CHCHD3: variants seen among roughly 807,000 people sequenced by gnomAD.
The protein encoded by CHCHD3 is coiled-coil-helix-coiled-coil-helix domain containing 3, also known as MICOS complex subunit MIC19.
CHCHD3 carries 20 observed loss-of-function variants against 38.2 expected under a neutral mutation model. That is an observed-to-expected ratio of 0.52 (90% CI 0.37 to 0.76). CHCHD3 has a LOEUF of 0.76. CHCHD3 is among the 30% of genes least tolerant of loss of function. CHCHD3 has a pLI of 0.00. For synonymous variants in CHCHD3, 82 were observed against 100.0 expected, an observed-to-expected ratio of 0.82 and a Z score of 1.07; for missense variants, 245 against 279.2, an observed-to-expected ratio of 0.88 and a Z score of 0.87.
chr7:132,949,416 G>A (rs1257947662), intron 4 of CHCHD3, among the ~76,000 whole-genome samples: 1 of 152,140 alleles, frequency 6.6e-6, no homozygotes, highest in African/African-American at 2.4e-5. Context: ...CCCTGTGGAT[G>A]AGAAATGAAC....
intron 4 of CHCHD3, among the ~76,000 whole-genome samples, chr7:132,935,403 T>C (rs1303219484): frequency 2.6e-5 from 4 of 152,136 alleles, no homozygotes; most frequent in East Asian, 1.9e-4. Context: ...TACAATAAAA[T>C]AGAAACTTTA....
At chr7:132,872,410 G>A (rs552043982) in intron 5 of CHCHD3, among the ~76,000 whole-genome samples, 3 of 152,284 alleles carry the variant, frequency 2.0e-5, no homozygotes, top group East Asian at 1.9e-4. Flanking sequence ...CTCAGAAAGT[G>A]TCATCACCTT....
At chr7:132,988,735 G>A (rs571976889) in intron 3 of CHCHD3, among the ~76,000 whole-genome samples, 219 of 152,024 alleles carry the variant, frequency 1.4e-3, no homozygotes, top group African/African-American at 5.1e-3. Flanking sequence ...GCAACATAGT[G>A]AGCCCCCATC....
At chr7:132,975,020 A>C in intron 4 of CHCHD3, 149 bp downstream of exon 4, 1 of 628,012 alleles carries the variant, frequency 1.6e-6, no homozygotes, top group Non-Finnish European at 2.8e-6. Flanking sequence ...ACTGTAAGCT[A>C]CTTATAAAAG....
At chr7:132,827,429 T>C (rs1323739970) in intron 6 of CHCHD3, among the ~76,000 whole-genome samples, 2 of 152,182 alleles carry the variant, frequency 1.3e-5, no homozygotes, top group Non-Finnish European at 1.5e-5. Flanking sequence ...ACAGACTACA[T>C]GTTGTGGACC....
intron 4 of CHCHD3, chr7:132,973,312 C>A (rs1375799995): frequency 2.0e-6 from 2 of 985,294 alleles, no homozygotes; most frequent in Admixed American, 1.2e-4. Flanking sequence ...GCACTATTAA[C>A]CTCCTCCACT....
At chr7:132,877,024 T>G (rs1283794370) in intron 5 of CHCHD3, among the ~76,000 whole-genome samples, 2 of 152,160 alleles carry the variant, frequency 1.3e-5, no homozygotes, top group Admixed American at 6.6e-5. Context: ...AGGTTAATAC[T>G]TCTTGACAGC....
intron 3 of CHCHD3, among the ~76,000 whole-genome samples, chr7:133,011,048 T>C (rs540945896): frequency 1.3e-5 from 2 of 152,216 alleles, no homozygotes; most frequent in Non-Finnish European, 2.9e-5. Context: ...AAAACTGTGA[T>C]AGTAAGAGGG....
intron 4 of CHCHD3, among the ~76,000 whole-genome samples, chr7:132,967,283 G>A (rs1811488513): frequency 1.3e-5 from 2 of 152,176 alleles, no homozygotes; most frequent in African/African-American, 4.8e-5. Flanking sequence ...ACTCAACTGT[G>A]CTGTCTTCTT....
intron 4 of CHCHD3, among the ~76,000 whole-genome samples, chr7:132,965,985 A>C (rs998114672): frequency 6.6e-6 from 1 of 152,236 alleles, no homozygotes; most frequent in Non-Finnish European, 1.5e-5. Context: ...TACCACAAGT[A>C]ATCATAAATT....
intron 4 of CHCHD3, among the ~76,000 whole-genome samples, chr7:132,903,575 G>A (rs1562902737): frequency 6.6e-6 from 1 of 152,102 alleles, no homozygotes; most frequent in Non-Finnish European, 1.5e-5. Context: ...TCCATCTCTA[G>A]GTTTGAACCC....
Position 132,985,666 on chromosome 7 carries a change from C to T in CHCHD3, c.252-10380G>A, listed in dbSNP as rs1486343688. ...CCCTCTGCCCGGCCAGCCGCCCCAT[C>T]CGGGAGGGAGGTGGGGGGGGGGTCA... is the stretch of plus-strand genomic sequence containing the variant. On this transcript the variant is annotated intron_variant, in intron 3 of 7. Coordinates refer to ENST00000262570, the MANE Select transcript of CHCHD3 (RefSeq NM_017812.4). 3.6e-5 allele frequency among the ~76,000 whole-genome samples: 2 copies of T among 55,512 alleles called. 1 individual carries two copies. The highest frequency in any genetic ancestry group is 3.5e-4 in the Admixed American group (2 of 5,678). The allele number at this position is 55,512 out of a possible 152,430, so 36.4% of individuals were successfully genotyped here. A position where few individuals can be genotyped will look rare whatever the true frequency, so the allele number is the denominator to read the frequency against.
intron 5 of CHCHD3, among the ~76,000 whole-genome samples, chr7:132,874,637 G>C (rs1352568278): frequency 6.6e-6 from 1 of 152,086 alleles, no homozygotes; most frequent in Non-Finnish European, 1.5e-5. Flanking sequence ...TGGTTCTTCA[G>C]GCAAGTATGT....
chr7:133,075,720 G>A (rs1202422089), intron 1 of CHCHD3, among the ~76,000 whole-genome samples: 2 of 152,158 alleles, frequency 1.3e-5, no homozygotes, highest in Non-Finnish European at 1.5e-5. Flanking sequence ...CCAAAATGGG[G>A]GTCGATAGTA....
rs1437483732 is a variant in CHCHD3 at position 132,963,577 on chromosome 7, G to A, written c.369+11592C>T. Among the ~76,000 whole-genome samples the A allele has an allele frequency of 3.9e-4, 59 of 150,872 alleles. 1 individual carries two copies. Among genetic ancestry groups the A allele is most frequent in the Admixed American group, 7.3e-4 (11 of 15,128 alleles). On this transcript the variant is annotated intron_variant, in intron 4 of 7. Transcript: ENST00000262570. ...CCAGGAGGTGGAGCTTGCAGTGAGC[G>A]GAGACTGCACCACTGCATTCCAGCC...
chr7:132,943,038 G>T (rs1007290155), intron 4 of CHCHD3, among the ~76,000 whole-genome samples: 4 of 152,112 alleles, frequency 2.6e-5, no homozygotes, highest in Non-Finnish European at 5.9e-5. Flanking sequence ...AGCATGAAAA[G>T]ATCCTATTTT....
In CHCHD3 at chr7:133,027,436, GGGAGGGAGGGA is replaced by G. The variant is rs1254358963; in HGVS notation, c.170-2820_170-2810del. Among the ~76,000 whole-genome samples the G allele has an allele frequency of 3.9e-4, 54 of 136,810 alleles. 1 individual carries two copies. The highest frequency in any genetic ancestry group is 1.5e-3 in the African/African-American group (52 of 35,674). 89.8% of individuals were successfully genotyped at this position (136,810 alleles called of 152,430 possible). ...GAAATGAAGAGAAGGAAGGAAGGGA[GGGAGGGAGGGA>G]GGGGGGGAGAGGAAGAGGAAAGAAA... On this transcript the variant is annotated intron_variant, in intron 2 of 7. Coordinates refer to ENST00000262570, the MANE Select transcript of CHCHD3 (RefSeq NM_017812.4).
At chr7:133,075,523 A>C (rs1024254941) in intron 1 of CHCHD3, among the ~76,000 whole-genome samples, 1 of 152,206 alleles carries the variant, frequency 6.6e-6, no homozygotes, top group Non-Finnish European at 1.5e-5. Flanking sequence ...ATCTGTATCC[A>C]AAGTTAATGC....
intron 4 of CHCHD3, among the ~76,000 whole-genome samples, chr7:132,901,274 A>G (rs1175769933): frequency 6.6e-6 from 1 of 152,234 alleles, no homozygotes; most frequent in Non-Finnish European, 1.5e-5. Context: ...AGGCCTAAAC[A>G]TGGTAAAAAG....
Sources: allele counts gnomAD v4.1 joint callset (sites outside exome capture counted in the v4.1 genomes callset), GRCh38; gene constraint gnomAD v4.1.1; transcripts MANE v1.5; gene names NCBI Gene and HGNC (gene_info 2026-07-23, HGNC 2026-07-21).